The following GATA6 variants were observed in gnomAD, a reference collection of about 807,000 sequenced individuals.
GATA6 encodes GATA binding protein 6.
In GATA6, 11 loss-of-function variants were observed where a neutral mutation model predicts 48.1. The observed-to-expected ratio is 0.23, with a 90% CI of 0.14 to 0.38. The LOEUF is 0.38. GATA6 is among the 10% of genes least tolerant of loss of function. The pLI, the probability that GATA6 is intolerant of heterozygous loss-of-function variation, is 1.00. For missense variants in GATA6, 795 were observed against 850.3 expected (o/e 0.93, Z 0.81); for synonymous variants, 419 against 396.1 (o/e 1.06, Z -0.69).
chr18:22,198,513 AAGTCAGAT>A (rs1473545296), intron 6 of GATA6, among the ~76,000 whole-genome samples: 1 of 152,226 alleles, frequency 6.6e-6, no homozygotes, highest in African/African-American at 2.4e-5. Flanking sequence ...TGTTGCGGTG[AAGTCAGAT>A]TTAGTCAGAG....
intron 3 of GATA6, among the ~76,000 whole-genome samples, 180 bp downstream of exon 3, chr18:22,177,301 C>T (rs984922941): frequency 1.3e-5 from 2 of 152,182 alleles, no homozygotes; most frequent in Admixed American, 1.3e-4. Flanking sequence ...TTCCAACGCC[C>T]ACCCGCTGGC....
Position 22,201,806 on chromosome 18 carries a change from C to T in GATA6, c.*983C>T, listed in dbSNP as rs976425934. The T allele has an allele frequency of 6.6e-6, 1 of 152,560 alleles. No individual in the cohort carries two copies. Among genetic ancestry groups the T allele is most frequent in the African/African-American group, 2.4e-5 (1 of 41,430 alleles). The allele number at this position is 152,560 out of a possible 1,614,324, so 9.5% of individuals were successfully genotyped here. A position where few individuals can be genotyped will look rare whatever the true frequency, so the allele number is the denominator to read the frequency against. On this transcript the variant is annotated 3_prime_UTR_variant, in exon 7 of 7. Coordinates refer to ENST00000269216, the MANE Select transcript of GATA6 (RefSeq NM_005257.6). ...ATTGCAACAACACTTTACTACCTAA[C>T]GGATAGCATTTGTAAATACTCTAGG...
At chr18:22,174,476 C>T (rs1362729538) in intron 2 of GATA6, among the ~76,000 whole-genome samples, 1 of 152,092 alleles carries the variant, frequency 6.6e-6, no homozygotes, top group Non-Finnish European at 1.5e-5. Context: ...CTTCTGGGCA[C>T]ACCACAGTTA....
rs1279044914 is a variant in GATA6, at chr18:22,172,466, G to A, written c.1135+187G>A. Among the ~76,000 whole-genome samples, 1 of 152,236 alleles carries A rather than the reference G, an allele frequency of 6.6e-6. No individual in the cohort carries two copies. The highest frequency in any genetic ancestry group is 1.5e-5 in the Non-Finnish European group (1 of 68,038). On this transcript the variant is annotated intron_variant, in intron 2 of 6. Coordinates refer to ENST00000269216, the MANE Select transcript of GATA6 (RefSeq NM_005257.6). The surrounding 1 kb of genome is among the most constrained non-coding windows in gnomAD (Gnocchi z 5.2). ...TAACCCAGAGTCCGGTAGCGCTGAG[G>A]CGAGTTGTGCCAAGACTTGAGTCTG... is the stretch of plus-strand genomic sequence containing the variant.
At chr18:22,174,947 C>T (rs1161641979) in intron 2 of GATA6, among the ~76,000 whole-genome samples, 2 of 151,968 alleles carry the variant, frequency 1.3e-5, no homozygotes, top group South Asian at 2.1e-4. Flanking sequence ...CCCTCCTAAG[C>T]GCCTGCAGAA....
intron 6 of GATA6, among the ~76,000 whole-genome samples, chr18:22,196,558 T>C (rs2033391680): frequency 1.3e-5 from 2 of 151,996 alleles, no homozygotes; most frequent in South Asian, 4.2e-4. Context: ...CTAGGCAACA[T>C]GGTGAAACCC....
chr18:22,186,218 G>T (rs994875125), intron 6 of GATA6, among the ~76,000 whole-genome samples: 1 of 152,118 alleles, frequency 6.6e-6, no homozygotes, highest in Non-Finnish European at 1.5e-5. Context: ...GTAGTGCAGG[G>T]TGACCCTCGT....
chr18:22,183,128 A>G (rs1339769984), intron 6 of GATA6, 85 bp downstream of exon 6: 2 of 1,047,370 alleles, frequency 1.9e-6, no homozygotes, highest in Admixed American at 1.9e-5. Flanking sequence ...CTGGTAGTAC[A>G]ATAATCTAAA....
At chr18:22,200,612 TTCTCACCTTCTCG>T in intron 6 of GATA6, 31 bp from the exon 7 acceptor site, 5 of 1,613,268 alleles carry the variant, frequency 3.1e-6, no homozygotes, top group Non-Finnish European at 4.2e-6. Flanking sequence ...TTGTAACCGC[TTCTCACCTTCTCG>T]TCTCTCCTCT....
chr18:22,177,143 C>T (rs969416329), intron 3 of GATA6, 22 bp downstream of exon 3: 22 of 1,537,876 alleles, frequency 1.4e-5, no homozygotes, highest in Admixed American at 2.0e-5. Context: ...CCGCCCTGCC[C>T]CTGGCTCGCG....
In GATA6 at chr18:22,202,117, G is replaced by A. The variant is rs1329084419; in HGVS notation, c.*1294G>A. On this transcript the variant is annotated 3_prime_UTR_variant, in exon 7 of 7. Coordinates refer to ENST00000269216, the MANE Select transcript of GATA6 (RefSeq NM_005257.6). The stretch of plus-strand genomic sequence containing the variant: ...TTCAAAGCATAGTCCTTTTGGAGCC[G>A]TTTTGTACCTTTTATACCTTGGCTT... The A allele has an allele frequency of 6.6e-6, 1 of 152,142 alleles. No homozygotes were observed. The highest frequency in any genetic ancestry group is 2.1e-4 in the South Asian group (1 of 4,834). 9.4% of individuals were successfully genotyped at this position (152,142 alleles called of 1,614,324 possible).
rs973295318 is a variant in GATA6, at chr18:22,185,434, G to T, written c.1620+2391G>T. ...GGGACTGAGAAGCTGGGAGTGGCTG[G>T]TGTGAGCTGCAGCCAGGGGGCATCT... On this transcript the variant is annotated intron_variant, in intron 6 of 6. Coordinates refer to ENST00000269216, the MANE Select transcript of GATA6 (RefSeq NM_005257.6). The surrounding 1 kb of genome is among the most constrained non-coding windows in gnomAD (Gnocchi z 4.3). Among the ~76,000 whole-genome samples the T allele has an allele frequency of 6.6e-6, 1 of 152,234 alleles. No individual in the cohort carries two copies. Among genetic ancestry groups the T allele is most frequent in the Non-Finnish European group, 1.5e-5 (1 of 68,052 alleles).
chr18:22,169,816 TC>T (rs887941452), intron 1 of GATA6, 134 bp downstream of exon 1: 1 of 152,276 alleles, frequency 6.6e-6, no homozygotes, highest in African/African-American at 2.4e-5. Context: ...CCTCCTTCCC[TC>T]CGGGCGGGCT....
rs947813106 is a variant in GATA6 at position 22,200,731 on chromosome 18, G to A, written c.1696G>A (p.Asp566Asn). The part of the protein sequence containing the change: ...ENSELKYSGQ[D>N]GLYIGVSLAS... ...CAGCGAGCTCAAGTATTCGGGTCAA[G>A]ATGGGCTCTACATAGGCGTCAGTCT... The change falls in exon 7 of 7, where the codon GAT (aspartate) becomes AAT (asparagine). Residue 566 changes from aspartate to asparagine, a missense_variant. This residue lies in a region of GATA6 where 103 missense variants were observed against 103.7 expected (regional missense o/e 0.99). Transcript: ENST00000269216. The A allele has an allele frequency of 9.9e-6, 16 of 1,614,138 alleles. No individual in the cohort carries two copies. The highest frequency in any genetic ancestry group is 6.7e-5 in the Admixed American group (4 of 60,018).
At position 22,176,947 on chromosome 18, in the gene GATA6, C is replaced by T; in HGVS notation, c.1136-8C>T. On this transcript the variant is annotated splice_region_variant and splice_polypyrimidine_tract_variant and intron_variant, in intron 2 of 6. Transcript: ENST00000269216. The stretch of plus-strand genomic sequence containing the variant: ...CACTCCCGCCCTCACGCACCGCTGT[C>T]GCCGCAGACCTGCTGGAGGACCTGT... 1 of 1,543,844 alleles carries T rather than the reference C, an allele frequency of 6.5e-7. No individual in the cohort carries two copies. Among genetic ancestry groups the T allele is most frequent in the Non-Finnish European group, 8.7e-7 (1 of 1,149,294 alleles).
rs1193283504 is a variant in GATA6 at position 22,171,698 on chromosome 18, C to G, written c.554C>G (p.Ser185Cys). ...AAAAAAAAAS[S>C]PVYVPTTRVG... is the part of the protein sequence containing the mutation. ...GCAGCAGCCGCGGCGGCGGCCAGCT[C>G]CCCGGTCTACGTGCCCACCACCCGC... The change falls in exon 2 of 7, where the codon TCC becomes TGC. Residue 185 changes from serine to cysteine, a missense_variant. Transcript: ENST00000269216. This position sits in a 1 kb window ranked among gnomAD's most constrained non-coding sequence, Gnocchi z 7.1. 3 of 1,498,272 alleles carry G rather than the reference C, an allele frequency of 2.0e-6. No individual in the cohort carries two copies. The highest frequency in any genetic ancestry group is 1.8e-6 in the Non-Finnish European group (2 of 1,132,320). 92.8% of individuals were successfully genotyped at this position (1,498,272 alleles called of 1,614,324 possible).
At chr18:22,184,908 TGAG>T (rs2033245988) in intron 6 of GATA6, among the ~76,000 whole-genome samples, 1 of 152,142 alleles carries the variant, frequency 6.6e-6, no homozygotes, top group African/African-American at 2.4e-5. Flanking sequence ...CTAGCTGAAA[TGAG>T]GACTGCTGCC....
intron 6 of GATA6, among the ~76,000 whole-genome samples, chr18:22,183,269 G>C (rs2033221392): frequency 6.6e-6 from 1 of 152,088 alleles, no homozygotes; most frequent in South Asian, 2.1e-4. Context: ...TTTTTTTATG[G>C]TTAAATTAAC....
intron 6 of GATA6, among the ~76,000 whole-genome samples, chr18:22,183,487 CTTTTT>C (rs1206817965): frequency 6.6e-6 from 1 of 151,576 alleles, no homozygotes; most frequent in Non-Finnish European, 1.5e-5. Context: ...GCCTTTTTTT[CTTTTT>C]TTATCATCCA....
Sources: gnomAD v4.1 joint callset for allele counts (sites outside exome capture counted in the v4.1 genomes callset) on GRCh38, gnomAD v4.1.1 for gene constraint, gnomAD v4.1.1 regional missense constraint, Gnocchi (gnomAD v3.1) non-coding constraint, MANE v1.5 for transcripts, NCBI Gene and HGNC (gene_info 2026-07-23, HGNC 2026-07-21) for gene names.